MYO5C: variants seen among roughly 807,000 people sequenced by gnomAD.
MYO5C encodes the protein myosin VC.
In MYO5C, 194 loss-of-function variants were observed where a neutral mutation model predicts 235.7. The observed-to-expected ratio is 0.82, with a 90% CI of 0.73 to 0.93. The LOEUF (loss-of-function observed/expected upper bound fraction) is 0.93. MYO5C is among the 40% of genes least tolerant of loss of function. MYO5C has a pLI of 0.00. For synonymous variants in MYO5C, 707 were observed against 754.8 expected (o/e 0.94, Z 1.04); for missense variants, 2,038 against 2,127.2 (o/e 0.96, Z 0.82).
At chr15:52,232,575 A>C in intron 24 of MYO5C, 47 bp downstream of exon 24, 1 of 1,563,310 alleles carries the variant, frequency 6.4e-7, no homozygotes. Context: ...ATAAAACAGC[A>C]CAGACAGAAG....
At chr15:52,269,992 T>A (rs1278257897) in intron 7 of MYO5C, 132 bp from the exon 8 acceptor site, 1 of 666,018 alleles carries the variant, frequency 1.5e-6, no homozygotes, top group Non-Finnish European at 2.6e-6. Context: ...ATTTATTCCT[T>A]AGAACTCTGC....
At chr15:52,194,677 ATC>A (rs926752887) in intron 40 of MYO5C, among the ~76,000 whole-genome samples, 7 of 151,738 alleles carry the variant, frequency 4.6e-5, no homozygotes, top group South Asian at 2.1e-4. Flanking sequence ...ATTTTTGCAA[ATC>A]TCTTTCATGT....
chr15:52,208,500 G>T, intron 36 of MYO5C, 54 bp downstream of exon 36: 1 of 1,519,900 alleles, frequency 6.6e-7, no homozygotes, highest in Non-Finnish European at 9.1e-7. Flanking sequence ...GGCTCAGGAG[G>T]AGGTTATAGA....
chr15:52,201,287 C>T (rs549327306), intron 38 of MYO5C, among the ~76,000 whole-genome samples: 6 of 152,004 alleles, frequency 3.9e-5, no homozygotes, highest in African/African-American at 1.4e-4. Context: ...AAGTAATCAG[C>T]GAAAAATTAT....
intron 19 of MYO5C, 80 bp from the exon 20 acceptor site, chr15:52,242,293 A>C: frequency 6.9e-7 from 1 of 1,452,784 alleles, no homozygotes; most frequent in South Asian, 1.3e-5. Context: ...CTTGGCTAGC[A>C]TGTGTTTATA....
chr15:52,269,386 A>ATTTTTTT (rs71130145), intron 8 of MYO5C, among the ~76,000 whole-genome samples: 1 of 103,990 alleles, frequency 9.6e-6, no homozygotes, highest in Non-Finnish European at 1.8e-5. Context: ...CCACCTTTTA[A>ATTTTTTT]TTTTTTTTTT....
chr15:52,272,813 G>A (rs1336781502), intron 5 of MYO5C, 90 bp from the exon 6 acceptor site: 31 of 1,306,420 alleles, frequency 2.4e-5, no homozygotes, highest in African/African-American at 4.4e-5. Context: ...AGGCAATCCT[G>A]TACCCTAGGG....
chr15:52,201,884 G>A (rs1211877886), intron 38 of MYO5C, among the ~76,000 whole-genome samples: 2 of 136,768 alleles, frequency 1.5e-5, no homozygotes, highest in East Asian at 4.2e-4. Flanking sequence ...AATCCCTAGA[G>A]CAACAACTGA....
At chr15:52,210,656 G>A (rs536490274) in intron 35 of MYO5C, among the ~76,000 whole-genome samples, 2 of 152,196 alleles carry the variant, frequency 1.3e-5, no homozygotes, top group East Asian at 1.9e-4. Flanking sequence ...TCCAGAATGC[G>A]CCAAGCATTA....
rs935498617 is a variant in MYO5C at position 52,211,987 on chromosome 15, C to T, written c.4142-103G>A. On this transcript the variant is annotated intron_variant, in intron 34 of 40. Coordinates refer to ENST00000261839, the MANE Select transcript of MYO5C (RefSeq NM_018728.4). ...GGCTTGTTTGCTTTTCTGTGCTTGA[C>T]ACAGTGCCTGAATGTATATGGATTT... is the stretch of plus-strand genomic sequence containing the variant. 13 of 1,203,126 alleles carry T rather than the reference C, an allele frequency of 1.1e-5. No individual in the cohort carries two copies. The African/African-American group carries it at 1.8e-4, about 17-fold the overall frequency. 74.5% of individuals were successfully genotyped at this position (1,203,126 alleles called of 1,614,324 possible). A position where few individuals can be genotyped will look rare whatever the true frequency, so the allele number is the denominator to read the frequency against.
chr15:52,272,803 A>C (rs1400608185), intron 5 of MYO5C, 80 bp from the exon 6 acceptor site: 47 of 1,450,798 alleles, frequency 3.2e-5, no homozygotes, highest in Non-Finnish European at 4.3e-5. Context: ...TTTTAGTAAA[A>C]GGCAATCCTG....
rs2034987345 is a variant in MYO5C at position 52,193,838 on chromosome 15, C to T, written c.*64G>A. ...CAATTTCCACTGCCAATTAATAAAA[C>T]ACATCCCTCATATTGAACCTTCACT... On this transcript the variant is annotated 3_prime_UTR_variant, in exon 41 of 41. Coordinates refer to ENST00000261839, the MANE Select transcript of MYO5C (RefSeq NM_018728.4). 35 of 1,531,542 alleles carry T rather than the reference C, an allele frequency of 2.3e-5. No individual in the cohort carries two copies. In the South Asian group the frequency reaches 4.0e-4, roughly 18 times the overall value. 94.9% of individuals were successfully genotyped at this position (1,531,542 alleles called of 1,614,324 possible). A position where few individuals can be genotyped will look rare whatever the true frequency, so the allele number is the denominator to read the frequency against.
At chr15:52,280,261 T>G (rs747414348) in intron 2 of MYO5C, among the ~76,000 whole-genome samples, 53 of 152,240 alleles carry the variant, frequency 3.5e-4, no homozygotes, top group Non-Finnish European at 4.7e-4. Context: ...GTCTCCTGTC[T>G]GCAGTTGCCC....
chr15:52,213,343 A>C, intron 33 of MYO5C, 57 bp from the exon 34 acceptor site: 89 of 1,226,492 alleles, frequency 7.3e-5, no homozygotes, highest in Non-Finnish European at 1.0e-4. Context: ...CACAGGTCTC[A>C]CAATGTGACT....
rs764763786 is a variant in MYO5C at position 52,242,112 on chromosome 15, C to T, written c.2492G>A (p.Arg831His). 2.3e-5 allele frequency: 37 copies of T among 1,613,944 alleles called. No homozygotes were observed. The South Asian group carries it at 2.6e-4, about 11-fold the overall frequency. ...YLVRSLYQLI[R>H]MATITMQAYS... ...GGCCTGCATTGTGATGGTGGCCATG[C>T]GAATCAACTGATACAGGCTGCGAAC... is the stretch of plus-strand genomic sequence containing the variant. The change falls in exon 20 of 41, where the codon CGC becomes CAC. Residue 831 changes from arginine to histidine, a missense_variant. By Grantham distance (29) the Arg-to-His change is conservative. Transcript: ENST00000261839.
At chr15:52,274,271 C>T (rs142934935) in intron 5 of MYO5C, among the ~76,000 whole-genome samples, 11 of 152,262 alleles carry the variant, frequency 7.2e-5, no homozygotes, top group Admixed American at 2.6e-4. Flanking sequence ...TTTAACTTGG[C>T]ACTGGCTCTT....
At chr15:52,232,865 A>C (rs1194879354) in intron 23 of MYO5C, among the ~76,000 whole-genome samples, 180 bp from the exon 24 acceptor site, 1 of 152,232 alleles carries the variant, frequency 6.6e-6, no homozygotes, top group Non-Finnish European at 1.5e-5. Flanking sequence ...GGGGTTTCAA[A>C]ATAATAATTC....
chr15:52,242,042 C>T lies in MYO5C; in HGVS notation c.2556+6G>A. 6.2e-7 allele frequency: 1 copy of T among 1,606,164 alleles called. No homozygotes were observed. Among genetic ancestry groups the T allele is most frequent in the Admixed American group, 1.7e-5 (1 of 59,598 alleles). Reference sequence around the variant, plus strand: ...CTCCCTTCCTCTAGACAGAGGTTGGCCTCACCTTTCGATACCTCCTCCTTG... The same window carrying T: ...CTCCCTTCCTCTAGACAGAGGTTGGTCTCACCTTTCGATACCTCCTCCTTG... On this transcript the variant is annotated splice_donor_region_variant and intron_variant, in intron 20 of 40. Transcript: ENST00000261839.
intron 13 of MYO5C, among the ~76,000 whole-genome samples, chr15:52,249,367 T>C (rs897620639): frequency 6.6e-6 from 1 of 152,202 alleles, no homozygotes; most frequent in Non-Finnish European, 1.5e-5. Flanking sequence ...AACCATGGCA[T>C]ATCCAGGGTG....
Sources: allele counts gnomAD v4.1 joint callset (sites outside exome capture counted in the v4.1 genomes callset), GRCh38; gene constraint gnomAD v4.1.1; transcripts MANE v1.5; gene names NCBI Gene and HGNC (gene_info 2026-07-23, HGNC 2026-07-21).